NR3C2: variants seen among roughly 807,000 people sequenced by gnomAD.
NR3C2 encodes nuclear receptor subfamily 3 group C member 2, also known as mineralocorticoid receptor.
Under a neutral mutation model 86.4 loss-of-function variants are expected in NR3C2, and 15 were observed. That is an observed-to-expected ratio of 0.17 (90% CI 0.12 to 0.27). NR3C2 has a LOEUF of 0.27. NR3C2 is among the 10% of genes least tolerant of loss of function. The pLI, the probability that NR3C2 is intolerant of heterozygous loss-of-function variation, is 1.00. For missense variants in NR3C2, 960 were observed against 1,195.6 expected, an observed-to-expected ratio of 0.80 and a Z score of 2.91; for synonymous variants, 458 against 450.5, an observed-to-expected ratio of 1.02 and a Z score of -0.21.
At chr4:148,332,684 G>A (rs1475159030) in intron 2 of NR3C2, among the ~76,000 whole-genome samples, 1 of 152,166 alleles carries the variant, frequency 6.6e-6, no homozygotes, top group East Asian at 1.9e-4. Context: ...TGTAACCTTA[G>A]AGCCTTGCCT....
At position 148,365,624 on chromosome 4, in the gene NR3C2, A is replaced by C. The variant is rs538390839; in HGVS notation, c.1757+69480T>G. On this transcript the variant is annotated intron_variant, in intron 2 of 8. Coordinates refer to ENST00000358102, the MANE Select transcript of NR3C2 (RefSeq NM_000901.5). Reference sequence around the variant, plus strand: ...ATATGCTGCTTTATTAGTGTGGGAAATAAGAAGATCCAGCTGTAATTAATA... The same window carrying C: ...ATATGCTGCTTTATTAGTGTGGGAACTAAGAAGATCCAGCTGTAATTAATA... Among the ~76,000 whole-genome samples the C allele has an allele frequency of 1.7e-3, 253 of 149,648 alleles. 1 individual carries two copies. Among genetic ancestry groups the C allele is most frequent in the African/African-American group, 5.7e-3 (233 of 41,074 alleles).
At chr4:148,247,766 T>C (rs1342208025) in intron 3 of NR3C2, among the ~76,000 whole-genome samples, 8 of 151,912 alleles carry the variant, frequency 5.3e-5, no homozygotes, top group Non-Finnish European at 1.0e-4. Flanking sequence ...GCCCTTTCCA[T>C]TTCCATTTCC....
intron 2 of NR3C2, among the ~76,000 whole-genome samples, chr4:148,358,037 T>C (rs1000585594): frequency 1.3e-5 from 2 of 152,188 alleles, no homozygotes; most frequent in South Asian, 2.1e-4. Flanking sequence ...AAATGCCATA[T>C]CTCACCATTG....
intron 2 of NR3C2, among the ~76,000 whole-genome samples, chr4:148,421,698 C>A (rs571387580): frequency 1.2e-4 from 18 of 152,244 alleles, no homozygotes; most frequent in Admixed American, 5.2e-4. Flanking sequence ...CATTAAAACT[C>A]TCAGAATACT....
intron 3 of NR3C2, among the ~76,000 whole-genome samples, chr4:148,235,205 A>T (rs562435924): frequency 6.6e-6 from 1 of 151,628 alleles, no homozygotes; most frequent in East Asian, 1.9e-4. Flanking sequence ...GATGATACTA[A>T]GGAAATTTTT....
chr4:148,091,714 C>G (rs529367396), intron 8 of NR3C2, among the ~76,000 whole-genome samples: 1 of 152,200 alleles, frequency 6.6e-6, no homozygotes, highest in Admixed American at 6.5e-5. Context: ...AGACTTGGCC[C>G]TTGCCTGAGC....
In NR3C2 at chr4:148,314,553, C is replaced by T. The variant is rs189202850; in HGVS notation, c.1758-54436G>A. Reference sequence around the variant, plus strand: ...AATTGAGTAAGTGAAGCCTTTAATACAGTACTTGAATAAAACTGCATGCGT... The same window carrying T: ...AATTGAGTAAGTGAAGCCTTTAATATAGTACTTGAATAAAACTGCATGCGT... On this transcript the variant is annotated intron_variant, in intron 2 of 8. Coordinates refer to ENST00000358102, the MANE Select transcript of NR3C2 (RefSeq NM_000901.5). 3.1e-3 allele frequency among the ~76,000 whole-genome samples: 469 copies of T among 152,082 alleles called. 2 individuals are homozygous for T. The highest frequency in any genetic ancestry group is 0.01 in the Middle Eastern group (3 of 294).
intron 8 of NR3C2, among the ~76,000 whole-genome samples, chr4:148,099,511 T>A (rs184122469): frequency 6.6e-6 from 1 of 152,248 alleles, no homozygotes; most frequent in Admixed American, 6.5e-5. Flanking sequence ...AGGATAAAAA[T>A]AATCCAAGTA....
intron 2 of NR3C2, among the ~76,000 whole-genome samples, chr4:148,273,470 A>G (rs929862217): frequency 1.3e-5 from 2 of 152,218 alleles, no homozygotes; most frequent in Admixed American, 6.5e-5. Flanking sequence ...TATGGTCGCT[A>G]AATTTTTTTA....
At chr4:148,404,762 G>A (rs770527802) in intron 2 of NR3C2, among the ~76,000 whole-genome samples, 1 of 152,002 alleles carries the variant, frequency 6.6e-6, no homozygotes, top group African/African-American at 2.4e-5. Context: ...GCATACTTTC[G>A]GCAATGATGA....
At chr4:148,115,528 T>A (rs1732236130) in intron 7 of NR3C2, among the ~76,000 whole-genome samples, 1 of 152,348 alleles carries the variant, frequency 6.6e-6, no homozygotes, top group Admixed American at 6.5e-5. Flanking sequence ...TAATTTCCCA[T>A]AACTGGTGTA....
At position 148,220,180 on chromosome 4, in the gene NR3C2, G is replaced by C. The variant is rs115942770; in HGVS notation, c.1898-25318C>G. 7.6e-3 allele frequency among the ~76,000 whole-genome samples: 1,150 copies of C among 152,068 alleles called. 9 individuals are homozygous for C. Among genetic ancestry groups the C allele is most frequent in the African/African-American group, 0.025 (1,027 of 41,488 alleles). On this transcript the variant is annotated intron_variant, in intron 3 of 8. Transcript: ENST00000358102. ...TTGCTCACTGCAGTCTCAAACTACTGGGTTCACGTGATCCTCCCACCTCAG... is the reference window on the plus strand; with the variant it reads ...TTGCTCACTGCAGTCTCAAACTACTCGGTTCACGTGATCCTCCCACCTCAG...
At position 148,233,086 on chromosome 4, in the gene NR3C2, C is replaced by T. The variant is rs951295648; in HGVS notation, c.1897+26892G>A. On this transcript the variant is annotated intron_variant, in intron 3 of 8. Coordinates refer to ENST00000358102, the MANE Select transcript of NR3C2 (RefSeq NM_000901.5). Reference sequence around the variant, plus strand: ...AAGACTGATACCAGCCTTAAAAGTGCGAATCTGTGAACATACAAATTAAAC... The same window carrying T: ...AAGACTGATACCAGCCTTAAAAGTGTGAATCTGTGAACATACAAATTAAAC... Among the ~76,000 whole-genome samples, 16 of 152,154 alleles carry T rather than the reference C, an allele frequency of 1.1e-4. 1 individual carries two copies. Among genetic ancestry groups the T allele is most frequent in the Admixed American group, 1.3e-4 (2 of 15,266 alleles).
At position 148,377,995 on chromosome 4, in the gene NR3C2, T is replaced by C. The variant is rs1056864291; in HGVS notation, c.1757+57109A>G. Among the ~76,000 whole-genome samples, 12 of 152,134 alleles carry C rather than the reference T, an allele frequency of 7.9e-5. 1 individual carries two copies. The highest frequency in any genetic ancestry group is 2.9e-4 in the African/African-American group (12 of 41,440). Reference sequence around the variant, plus strand: ...GTTACCCAGACTTAGATAATAGGCATGCCAGATATACAGGGAGATAAGTGT... The same window carrying C: ...GTTACCCAGACTTAGATAATAGGCACGCCAGATATACAGGGAGATAAGTGT... On this transcript the variant is annotated intron_variant, in intron 2 of 8. Transcript: ENST00000358102.
At chr4:148,235,517 C>T (rs549725831) in intron 3 of NR3C2, among the ~76,000 whole-genome samples, 93 of 152,070 alleles carry the variant, frequency 6.1e-4, no homozygotes, top group African/African-American at 1.1e-3. Context: ...CAGAATTGTT[C>T]GGTGGACTTT....
chr4:148,207,998 G>T (rs1357330154), intron 3 of NR3C2: 1 of 152,116 alleles, frequency 6.6e-6, no homozygotes, highest in African/African-American at 2.4e-5. Context: ...TCAGATTATG[G>T]TTGACACTGT....
At chr4:148,167,749 C>G (rs1252574705) in intron 4 of NR3C2, among the ~76,000 whole-genome samples, 1 of 152,168 alleles carries the variant, frequency 6.6e-6, no homozygotes, top group Admixed American at 6.5e-5. Context: ...ATGTGATAAC[C>G]ACAGCCACCA....
At chr4:148,084,615 G>A (rs973083863) in intron 8 of NR3C2, among the ~76,000 whole-genome samples, 16 of 152,106 alleles carry the variant, frequency 1.1e-4, no homozygotes, top group African/African-American at 3.1e-4. Context: ...CAACTAATGG[G>A]CAAAACAACC....
chr4:148,444,602 CCACCAGCAA>C, upstream of NR3C2: 1 of 988,794 alleles, frequency 1.0e-6, no homozygotes, highest in South Asian at 4.6e-5. Flanking sequence ...GCTGCCGCCG[CCACCAGCAA>C]GTCCAATATT....
Sources: gnomAD v4.1 joint callset for allele counts (sites outside exome capture counted in the v4.1 genomes callset) on GRCh38, gnomAD v4.1.1 for gene constraint, MANE v1.5 for transcripts, NCBI Gene and HGNC (gene_info 2026-07-23, HGNC 2026-07-21) for gene names.